Variants in CYTH2 observed in about 807,000 individuals in gnomAD.
CYTH2 encodes cytohesin 2, also known as cytohesin-2.
CYTH2 carries 24 observed loss-of-function variants against 55.4 expected under a neutral mutation model. The ratio of observed to expected loss-of-function variants is 0.43; its 90% CI spans 0.31 to 0.61. The LOEUF (loss-of-function observed/expected upper bound fraction) is 0.61. Ranked by LOEUF, CYTH2 falls within the 20% of genes least tolerant of loss-of-function variation. The probability of loss-of-function intolerance (pLI) is 0.08; values close to 1 mark genes in which losing one functional copy is unlikely to be tolerated. For missense variants in CYTH2, 378 were observed against 533.5 expected (o/e 0.71, Z 2.87); for synonymous variants, 221 against 209.6 (o/e 1.05, Z -0.47).
intron 5 of CYTH2, 86 bp from the exon 6 acceptor site, chr19:48,473,819 G>T: frequency 2.8e-6 from 3 of 1,085,050 alleles, no homozygotes; most frequent in Non-Finnish European, 4.0e-6. Context: ...GGGATTCCTC[G>T]TGGACCAGTT....
intron 1 of CYTH2, 75 bp from the exon 2 acceptor site, chr19:48,470,278 G>C: frequency 1.3e-6 from 2 of 1,533,036 alleles, no homozygotes; most frequent in South Asian, 1.2e-5. Context: ...TCCCAGCTCT[G>C]TCCGCCCCCA....
In CYTH2 at chr19:48,478,501, G is replaced by T. The variant is rs1170033168; in HGVS notation, c.1021G>T (p.Ala341Ser). The change falls in exon 11 of 12, where the codon GCG (alanine) becomes TCG (serine). Residue 341 changes from alanine to serine, a missense_variant. Physicochemically the swap from Ala to Ser is moderately conservative, Grantham distance 99. Transcript: ENST00000452733. ...GCTCATCAAAGCCTGCAAAACTGAG[G>T]CGGACGGCCGAGTGGTGGAGGGAAA... ...GQLIKACKTE[A>S]DGRVVEGNHM... 1 of 1,614,048 alleles carries T rather than the reference G, an allele frequency of 6.2e-7. No individual in the cohort carries two copies. The highest frequency in any genetic ancestry group is 1.3e-5 in the African/African-American group (1 of 74,938).
Position 48,478,124 on chromosome 19 carries a change from C to T in CYTH2, c.864C>T (p.Leu288=), listed in dbSNP as rs753003815. ...RRWFILTDNC[L]YYFEYTTDKE... is the part of the protein sequence containing the mutation. ...GGTTTATCCTCACAGACAACTGCCT[C>T]TACTACTTTGAGTACACCACGGTGA... is the stretch of plus-strand genomic sequence containing the variant. The change falls in exon 9 of 12, where the codon CTC becomes CTT. Residue 288 remains leucine (L), a synonymous_variant. Transcript: ENST00000452733. The T allele has an allele frequency of 4.3e-6, 7 of 1,614,036 alleles. No homozygotes were observed. Among genetic ancestry groups the T allele is most frequent in the African/African-American group, 2.7e-5 (2 of 74,938 alleles).
intron 11 of CYTH2, among the ~76,000 whole-genome samples, 182 bp from the exon 12 acceptor site, chr19:48,478,941 C>G (rs569185696): frequency 0.017 from 2,019 of 120,128 alleles, 58 homozygotes; most frequent in African/African-American, 0.066. Flanking sequence ...ACTCCTGGGT[C>G]TGAGGGAGGA....
chr19:48,472,996 G>T, intron 4 of CYTH2: 1 of 370,874 alleles, frequency 2.7e-6, no homozygotes, highest in South Asian at 2.8e-5. Context: ...GATACCTGGG[G>T]AGCATGGGGA....
In CYTH2 at chr19:48,478,771, G is replaced by GC. The variant is rs1198318968; in HGVS notation, c.1112+180dup. 7.2e-4 allele frequency among the ~76,000 whole-genome samples: 99 copies of GC among 137,160 alleles called. 5 individuals are homozygous for GC. The highest frequency in any genetic ancestry group is 2.2e-3 in the African/African-American group (65 of 29,428). The allele number at this position is 137,160 out of a possible 152,430, so 90.0% of individuals were successfully genotyped here. A position where few individuals can be genotyped will look rare whatever the true frequency, so the allele number is the denominator to read the frequency against. ...GACTCCTGGGTCTGACGGAGGAGGGGCAGGGGCCTGGACACCTGGGTCTGA... is the reference window on the plus strand; with the variant it reads ...GACTCCTGGGTCTGACGGAGGAGGGGCCAGGGGCCTGGACACCTGGGTCTGA... On this transcript the variant is annotated intron_variant, in intron 11 of 11. Coordinates refer to ENST00000452733, the MANE Select transcript of CYTH2 (RefSeq NM_004228.7).
chr19:48,473,455 C>A, intron 5 of CYTH2, 77 bp downstream of exon 5: 1 of 1,476,448 alleles, frequency 6.8e-7, no homozygotes, highest in Non-Finnish European at 9.4e-7. Context: ...ACAAACCTTA[C>A]TCAAGAAAAA....
chr19:48,477,973 T>C lies in CYTH2; in HGVS notation c.809-96T>C, dbSNP rs943337464. On this transcript the variant is annotated intron_variant, in intron 8 of 11. Transcript: ENST00000452733. Reference sequence around the variant, plus strand: ...TTGTCTAGGCCCCAGGAGCCCCACCTCTACCGCTCTTGCTCTGCTTCTCAC... The same window carrying C: ...TTGTCTAGGCCCCAGGAGCCCCACCCCTACCGCTCTTGCTCTGCTTCTCAC... The C allele has an allele frequency of 5.1e-6, 5 of 985,274 alleles. No individual in the cohort carries two copies. The African/African-American group carries it at 8.1e-5, about 16-fold the overall frequency. 61.0% of individuals were successfully genotyped at this position (985,274 alleles called of 1,614,324 possible). A position where few individuals can be genotyped will look rare whatever the true frequency, so the allele number is the denominator to read the frequency against.
Position 48,474,459 on chromosome 19 carries a change from G to C in CYTH2, c.696+129G>C, listed in dbSNP as rs560570995. ...CAAGATGGTGCGATCATGCCAACTC[G>C]TGTGTGATCTTTTTCTCTCTCTCTG... is the stretch of plus-strand genomic sequence containing the variant. On this transcript the variant is annotated intron_variant, in intron 7 of 11. Coordinates refer to ENST00000452733, the MANE Select transcript of CYTH2 (RefSeq NM_004228.7). The surrounding 1 kb of genome is among the most constrained non-coding windows in gnomAD (Gnocchi z 4.9). 1.0e-5 allele frequency: 10 copies of C among 987,326 alleles called. No individual in the cohort carries two copies. In the East Asian group the frequency reaches 1.1e-4, roughly 11 times the overall value. 61.2% of individuals were successfully genotyped at this position (987,326 alleles called of 1,614,324 possible).
chr19:48,471,480 T>C (rs570108331), intron 3 of CYTH2, among the ~76,000 whole-genome samples: 67 of 152,338 alleles, frequency 4.4e-4, no homozygotes, highest in African/African-American at 1.3e-3. Flanking sequence ...ACACCCATTT[T>C]CTGAGGCCTC....
chr19:48,472,582 C>CTGGACTGTGACAGAA, intron 4 of CYTH2, 139 bp downstream of exon 4: 1 of 775,476 alleles, frequency 1.3e-6, no homozygotes, highest in Non-Finnish European at 2.2e-6. Flanking sequence ...AGCCTTCTGA[C>CTGGACTGTGACAGAA]TGGACTGTGA....
At chr19:48,473,591 C>T (rs1420293496) in intron 5 of CYTH2, 11 of 610,120 alleles carry the variant, frequency 1.8e-5, no homozygotes, top group African/African-American at 3.7e-5. Flanking sequence ...GTCAGAAAGT[C>T]GACTTTCTTT....
intron 4 of CYTH2, chr19:48,472,736 G>A: frequency 4.5e-6 from 2 of 442,440 alleles, no homozygotes; most frequent in Non-Finnish European, 8.5e-6. Flanking sequence ...AAGGATCATG[G>A]GAGCTTGAGA....
In CYTH2 at chr19:48,473,460, G is replaced by GA. The variant is rs1971845107; in HGVS notation, c.434+89dup. ...GTTACAAGTGACAAACCTTACTCAA[G>GA]AAAAAAACAGAAACAAGCAAAACAG... On this transcript the variant is annotated intron_variant, in intron 5 of 11. Coordinates refer to ENST00000452733, the MANE Select transcript of CYTH2 (RefSeq NM_004228.7). The GA allele has an allele frequency of 6.3e-6, 9 of 1,419,046 alleles. No individual in the cohort carries two copies. The East Asian group carries it at 6.9e-5, about 11-fold the overall frequency. The allele number at this position is 1,419,046 out of a possible 1,614,324, so 87.9% of individuals were successfully genotyped here. A position where few individuals can be genotyped will look rare whatever the true frequency, so the allele number is the denominator to read the frequency against.
chr19:48,472,499 C>G, intron 4 of CYTH2, 56 bp downstream of exon 4: 1 of 1,402,710 alleles, frequency 7.1e-7, no homozygotes, highest in Non-Finnish European at 9.9e-7. Flanking sequence ...CCAGACCCAG[C>G]TCCTGCCCTC....
chr19:48,474,940 C>T lies in CYTH2; in HGVS notation c.799C>T (p.Leu267=). 6.2e-7 allele frequency: 1 copy of T among 1,614,230 alleles called. No individual in the cohort carries two copies. Among genetic ancestry groups the T allele is most frequent in the South Asian group, 1.1e-5 (1 of 91,090 alleles). The change falls in exon 8 of 12, where the codon CTG becomes TTG. Residue 267 remains leucine, a synonymous_variant. Transcript: ENST00000452733. The surrounding 1 kb of genome is among the most constrained non-coding windows in gnomAD (Gnocchi z 4.9). ...FFNPDREGWL[L]KLGGRVKTWK... ...CAACCCGGACCGGGAGGGCTGGCTC[C>T]TGAAGCTGGGTACGTGCCCTCCCGA...
chr19:48,476,394 G>A (rs1318195981), intron 8 of CYTH2: 1 of 170,886 alleles, frequency 5.9e-6, no homozygotes, highest in African/African-American at 2.5e-5. Context: ...AACAGAGCGA[G>A]ACCCCGTCTC....
At chr19:48,472,472 CCCCTCCCT>C in intron 4 of CYTH2, 29 bp downstream of exon 4, 1 of 1,569,710 alleles carries the variant, frequency 6.4e-7, no homozygotes, top group Non-Finnish European at 8.7e-7. Context: ...TCCTGTGGGG[CCCCTCCCT>C]CCCACCCCCC....
chr19:48,473,788 A>G (rs1971851524), intron 5 of CYTH2, 117 bp from the exon 6 acceptor site: 4 of 784,206 alleles, frequency 5.1e-6, no homozygotes, highest in African/African-American at 1.8e-5. Flanking sequence ...TACCTGAAAC[A>G]ACTGCTGAGG....
Sources: gnomAD v4.1 joint callset for allele counts (sites outside exome capture counted in the v4.1 genomes callset) on GRCh38, gnomAD v4.1.1 for gene constraint, Gnocchi (gnomAD v3.1) non-coding constraint, MANE v1.5 for transcripts, NCBI Gene and HGNC (gene_info 2026-07-23, HGNC 2026-07-21) for gene names.